DMKN: variants seen among roughly 807,000 people sequenced by gnomAD.
The protein encoded by DMKN is dermokine.
Under a neutral mutation model 67.6 loss-of-function variants are expected in DMKN, and 58 were observed. The observed-to-expected ratio is 0.86, with a 90% CI of 0.69 to 1.07. The LOEUF (loss-of-function observed/expected upper bound fraction) is 1.07. Ranked by LOEUF, DMKN falls within the 50% of genes least tolerant of loss-of-function variation. DMKN has a pLI of 0.00. For synonymous variants in DMKN, 240 were observed against 232.3 expected, an observed-to-expected ratio of 1.03 and a Z score of -0.30; for missense variants, 596 against 601.5, an observed-to-expected ratio of 0.99 and a Z score of 0.10.
rs1224803237 is a variant in DMKN, at chr19:35,513,632, C to T, written c.-157G>A. 1 of 942,060 alleles carries T rather than the reference C, an allele frequency of 1.1e-6. No individual in the cohort carries two copies. Among genetic ancestry groups the T allele is most frequent in the Non-Finnish European group, 1.5e-6 (1 of 650,590 alleles). 58.4% of individuals were successfully genotyped at this position (942,060 alleles called of 1,614,324 possible). On this transcript the variant is annotated 5_prime_UTR_variant, in exon 1 of 16. Transcript: ENST00000339686. ...TCTGCAGCCTTCTCTCTCCTGTCCT[C>T]AACTGCCTGGGCTTCTCAGAGTCCA...
chr19:35,513,448 G>T lies in DMKN; in HGVS notation c.28C>A (p.Leu10Ile), dbSNP rs949126741. MKFQGPLAC[L>I]LLALCLGSGE... is the part of the protein sequence containing the mutation. ...CTGCCCAGGCAGAGGGCCAGCAGGA[G>T]GCAGGCCAGGGGCCCCTGGAACTTC... Residue 10 changes from leucine to isoleucine, a missense_variant, in exon 1 of 16, where the codon CTC (leucine) becomes ATC (isoleucine). Transcript: ENST00000339686. The T allele has an allele frequency of 4.4e-6, 7 of 1,600,498 alleles. No individual in the cohort carries two copies. The highest frequency in any genetic ancestry group is 1.3e-5 in the African/African-American group (1 of 74,936).
chr19:35,502,498 G>A (rs1599862492), intron 10 of DMKN, among the ~76,000 whole-genome samples: 2 of 152,136 alleles, frequency 1.3e-5, no homozygotes, highest in African/African-American at 4.8e-5. Context: ...AGGAGATTGA[G>A]ACTATCCTGG....
chr19:35,505,472 T>G (rs2069278800), intron 9 of DMKN, among the ~76,000 whole-genome samples: 1 of 152,188 alleles, frequency 6.6e-6, no homozygotes, highest in African/African-American at 2.4e-5. Flanking sequence ...TGCTCGGGTC[T>G]ATATGCTGAA....
intron 8 of DMKN, 85 bp downstream of exon 8, chr19:35,505,854 T>C (rs1411884115): frequency 1.9e-6 from 3 of 1,613,734 alleles, no homozygotes; most frequent in Non-Finnish European, 2.5e-6. Flanking sequence ...ACTGTTGGTT[T>C]AGAAAGAGGA....
chr19:35,510,319 C>T (rs2146190836), intron 5 of DMKN, 67 bp from the exon 6 acceptor site: 1 of 1,555,034 alleles, frequency 6.4e-7, no homozygotes, highest in Non-Finnish European at 8.7e-7. Flanking sequence ...TCGTTCCCAG[C>T]GGTGTTACAG....
In DMKN at chr19:35,510,279, G is replaced by A. The variant is rs755302753; in HGVS notation, c.919-27C>T. 1.3e-5 allele frequency: 20 copies of A among 1,585,308 alleles called. No individual in the cohort carries two copies. In the African/African-American group the frequency reaches 2.7e-4, roughly 21 times the overall value. ...TGCAGGGGAAAGCAAGATTTCAAAC[G>A]CTGTCCTAAAGGACCTAAAGGGGAC... is the stretch of plus-strand genomic sequence containing the variant. On this transcript the variant is annotated intron_variant, in intron 5 of 15. Transcript: ENST00000339686.
At chr19:35,504,998 A>C (rs1477742440) in intron 9 of DMKN, among the ~76,000 whole-genome samples, 2 of 151,914 alleles carry the variant, frequency 1.3e-5, no homozygotes, top group African/African-American at 4.8e-5. Context: ...CTCCATGTTT[A>C]AACTTTGACA....
At position 35,507,417 on chromosome 19, in the gene DMKN, T is replaced by A. The variant is rs751281136; in HGVS notation, c.1039-1431A>T. On this transcript the variant is annotated intron_variant, in intron 7 of 15. Transcript: ENST00000339686. Reference sequence around the variant, plus strand: ...CCCAGGATCTTAGCATGCTTCACCATCCCTTCTCCTAAAGCCAACCCTGCC... The same window carrying A: ...CCCAGGATCTTAGCATGCTTCACCAACCCTTCTCCTAAAGCCAACCCTGCC... 2.2e-5 allele frequency: 33 copies of A among 1,528,642 alleles called. 1 individual carries two copies. In the South Asian group the frequency reaches 4.0e-4, roughly 18 times the overall value. 94.7% of individuals were successfully genotyped at this position (1,528,642 alleles called of 1,614,324 possible). A position where few individuals can be genotyped will look rare whatever the true frequency, so the allele number is the denominator to read the frequency against.
chr19:35,498,526 G>A lies in DMKN; in HGVS notation c.*190C>T, dbSNP rs570937819. On this transcript the variant is annotated intron_variant, in intron 15 of 15. Coordinates refer to ENST00000339686, the MANE Select transcript of DMKN (RefSeq NM_033317.5). ...ACCCAGCCCTAGATCACTTTATTAT[G>A]GGTCTTTCTCCACACCCCACCATGA... The A allele has an allele frequency of 2.3e-4, 173 of 737,670 alleles. 1 individual carries two copies. Among genetic ancestry groups the A allele is most frequent in the Non-Finnish European group, 3.5e-4 (161 of 461,092 alleles). The allele number at this position is 737,670 out of a possible 1,614,324, so 45.7% of individuals were successfully genotyped here. A position where few individuals can be genotyped will look rare whatever the true frequency, so the allele number is the denominator to read the frequency against.
chr19:35,502,968 A>C, intron 9 of DMKN, 82 bp from the exon 10 acceptor site: 52 of 1,423,542 alleles, frequency 3.7e-5, no homozygotes, highest in East Asian at 4.7e-5. Flanking sequence ...GCCCTATCTC[A>C]ACCTTCAGAA....
intron 15 of DMKN, 75 bp from the exon 16 acceptor site, chr19:35,497,613 C>A (rs1035277875): frequency 1.3e-5 from 2 of 152,322 alleles, no homozygotes; most frequent in African/African-American, 4.8e-5. Flanking sequence ...TTTCACCCAG[C>A]GTCTGGGCAC....
At chr19:35,501,422 A>G (rs931150431) in intron 11 of DMKN, among the ~76,000 whole-genome samples, 2 of 152,240 alleles carry the variant, frequency 1.3e-5, no homozygotes, top group African/African-American at 2.4e-5. Context: ...TTCGTGAAAC[A>G]TCAGACAACA....
At chr19:35,501,380 T>C (rs968733507) in intron 11 of DMKN, among the ~76,000 whole-genome samples, 1 of 152,176 alleles carries the variant, frequency 6.6e-6, no homozygotes, top group Admixed American at 6.5e-5. Flanking sequence ...AAAAATTAAA[T>C]TAGTTACAGT....
intron 6 of DMKN, 64 bp from the exon 7 acceptor site, chr19:35,510,025 A>T: frequency 6.2e-7 from 1 of 1,605,712 alleles, no homozygotes; most frequent in South Asian, 1.1e-5. Context: ...CAGCCCCAAA[A>T]TGGCAGCATT....
chr19:35,499,509 G>A (rs2293694), intron 13 of DMKN, among the ~76,000 whole-genome samples: 55,240 of 151,724 alleles, frequency 0.36, 11,154 homozygotes, highest in East Asian at 0.61. Flanking sequence ...TCATTTCACC[G>A]CCAACCAGGC....
At chr19:35,507,393 C>G (rs1043280050) in intron 7 of DMKN, 9 of 1,467,778 alleles carry the variant, frequency 6.1e-6, no homozygotes, top group Non-Finnish European at 8.4e-6. Context: ...GTTTCTTTTC[C>G]CAGGATCTTA....
Position 35,509,967 on chromosome 19 carries a change from G to C in DMKN, c.988-6C>G. On this transcript the variant is annotated splice_region_variant and splice_polypyrimidine_tract_variant and intron_variant, in intron 6 of 15. Transcript: ENST00000339686. Reference sequence around the variant, plus strand: ...TCATTCCCTGGCTTTTCACACTGCCGGGGAGAGAAAGGGGAGACTTTCCCT... The same window carrying C: ...TCATTCCCTGGCTTTTCACACTGCCCGGGAGAGAAAGGGGAGACTTTCCCT... The C allele has an allele frequency of 1.2e-6, 2 of 1,614,054 alleles. No homozygotes were observed. Among genetic ancestry groups the C allele is most frequent in the South Asian group, 2.2e-5 (2 of 91,082 alleles).
intron 15 of DMKN, 137 bp from the exon 16 acceptor site, chr19:35,497,675 G>C (rs1483924690): frequency 6.6e-6 from 1 of 152,384 alleles, no homozygotes; most frequent in Non-Finnish European, 1.5e-5. Context: ...CCTCACTTTT[G>C]CTCCGCCTAA....
Position 35,499,815 on chromosome 19 carries a change from C to CA in DMKN, c.1359+142dup, listed in dbSNP as rs376286448. The stretch of plus-strand genomic sequence containing the variant: ...TCTCAGGGAACCCGAGTCTCCCTTG[C>CA]AAAGGGGTGGGGAGGCCTGGACTCA... On this transcript the variant is annotated intron_variant, in intron 13 of 15. Transcript: ENST00000339686. 5.5e-4 allele frequency: 443 copies of CA among 803,446 alleles called. 2 individuals carry two copies. The highest frequency in any genetic ancestry group is 5.4e-3 in the Middle Eastern group (14 of 2,606). The allele number at this position is 803,446 out of a possible 1,614,324, so 49.8% of individuals were successfully genotyped here.
Sources: allele counts gnomAD v4.1 joint callset (sites outside exome capture counted in the v4.1 genomes callset), GRCh38; gene constraint gnomAD v4.1.1; transcripts MANE v1.5; gene names NCBI Gene and HGNC (gene_info 2026-07-23, HGNC 2026-07-21).